The following MACROD2 variants were observed in gnomAD, a reference collection of about 807,000 sequenced individuals.
MACROD2 encodes mono-ADP ribosylhydrolase 2.
Under a neutral mutation model 70.4 loss-of-function variants are expected in MACROD2, and 36 were observed. The ratio of observed to expected loss-of-function variants is 0.51; its 90% CI spans 0.39 to 0.68. MACROD2 has a LOEUF of 0.68. Among genes scored for constraint, MACROD2 ranks in the 30% least tolerant of loss-of-function variants. MACROD2 has a pLI of 0.00. For missense variants in MACROD2, 496 were observed against 538.4 expected (o/e 0.92, Z 0.78); for synonymous variants, 172 against 178.8 (o/e 0.96, Z 0.30).
At chr20:14,508,610 A>G (rs1158545520) in intron 4 of MACROD2, among the ~76,000 whole-genome samples, 1 of 152,182 alleles carries the variant, frequency 6.6e-6, no homozygotes, top group African/African-American at 2.4e-5. Flanking sequence ...AAGCACCTCC[A>G]TGTTCCAGGC....
intron 3 of MACROD2, among the ~76,000 whole-genome samples, chr20:14,263,281 G>A (rs947177234): frequency 1.3e-5 from 2 of 152,126 alleles, no homozygotes; most frequent in African/African-American, 4.8e-5. Context: ...TGGAAGAATT[G>A]GAAAGCTAAA....
chr20:15,166,247 A>T (rs1444422956), intron 5 of MACROD2, among the ~76,000 whole-genome samples: 1 of 152,182 alleles, frequency 6.6e-6, no homozygotes, highest in Non-Finnish European at 1.5e-5. Context: ...ATGTGTTGAA[A>T]CCTTAAGCCC....
chr20:14,515,463 A>ACACACACACACACACG (rs34190778), intron 4 of MACROD2, among the ~76,000 whole-genome samples: 53 of 138,818 alleles, frequency 3.8e-4, no homozygotes, highest in Non-Finnish European at 7.7e-4. Context: ...ATACACACAC[A>ACACACACACACACACG]CGCACACACA....
intron 4 of MACROD2, among the ~76,000 whole-genome samples, chr20:14,549,062 G>A (rs553332703): frequency 7.1e-4 from 108 of 152,300 alleles, no homozygotes; most frequent in African/African-American, 2.4e-3. Flanking sequence ...AGAGACACAT[G>A]TTCTAGAAGT....
intron 8 of MACROD2, among the ~76,000 whole-genome samples, chr20:15,570,782 G>A (rs967602444): frequency 4.6e-5 from 7 of 152,110 alleles, no homozygotes; most frequent in Admixed American, 4.6e-4. Flanking sequence ...ACCAATTTAG[G>A]TCACATGCCC....
chr20:15,502,212 G>T (rs1460338033), intron 8 of MACROD2, among the ~76,000 whole-genome samples: 3 of 152,174 alleles, frequency 2.0e-5, no homozygotes, highest in African/African-American at 7.2e-5. Context: ...GACGTGCTGA[G>T]GACGTAATCT....
rs1235669164 is a variant in MACROD2, at chr20:15,710,207, A to C, written c.646-152538A>C. 3.3e-5 allele frequency among the ~76,000 whole-genome samples: 5 copies of C among 152,086 alleles called. No individual in the cohort carries two copies. The East Asian group carries it at 5.8e-4, about 18-fold the overall frequency. On this transcript the variant is annotated intron_variant, in intron 8 of 17. Transcript: ENST00000684519. Reference sequence around the variant, plus strand: ...TTATCAAAAAGACAAAAAAAAAAAAAAAAAAACAATTGCGGGTAAGGATGC... The same window carrying C: ...TTATCAAAAAGACAAAAAAAAAAAACAAAAAACAATTGCGGGTAAGGATGC...
chr20:15,873,102 A>T (rs961885901), intron 9 of MACROD2, among the ~76,000 whole-genome samples: 1 of 152,230 alleles, frequency 6.6e-6, no homozygotes, highest in Non-Finnish European at 1.5e-5. Context: ...ATTTTAAAAA[A>T]TACTTTTCTA....
rs201120748 is a variant in MACROD2 at position 15,666,999 on chromosome 20, T to TTCTA, written c.645+167163_645+167166dup. 5.0e-3 allele frequency among the ~76,000 whole-genome samples: 769 copies of TTCTA among 152,346 alleles called. 6 individuals carry two copies. Among genetic ancestry groups the TTCTA allele is most frequent in the African/African-American group, 0.017 (722 of 41,572 alleles). On this transcript the variant is annotated intron_variant, in intron 8 of 17. Coordinates refer to ENST00000684519, the MANE Select transcript of MACROD2 (RefSeq NM_001351661.2). Reference sequence around the variant, plus strand: ...AATTTGCTGTATTTTTGTTTTCTTTTTCTATCTATCTATCAATTTACTGAT... The same window carrying TTCTA: ...AATTTGCTGTATTTTTGTTTTCTTTTTCTATCTATCTATCTATCAATTTACTGAT...
At chr20:15,606,120 A>G (rs2048889675) in intron 8 of MACROD2, among the ~76,000 whole-genome samples, 1 of 152,074 alleles carries the variant, frequency 6.6e-6, no homozygotes, top group Non-Finnish European at 1.5e-5. Flanking sequence ...TTCTGTCTCT[A>G]GTCTCTTACC....
chr20:15,496,403 C>A (rs932095142), intron 7 of MACROD2, among the ~76,000 whole-genome samples: 2 of 152,138 alleles, frequency 1.3e-5, no homozygotes, highest in Non-Finnish European at 2.9e-5. Context: ...TACAGCAAAC[C>A]TTGAGGTTAA....
At chr20:15,294,159 A>G (rs1010986853) in intron 6 of MACROD2, among the ~76,000 whole-genome samples, 1 of 151,726 alleles carries the variant, frequency 6.6e-6, no homozygotes, top group Non-Finnish European at 1.5e-5. Flanking sequence ...GTTTTTATAT[A>G]AACTCTAGAT....
intron 13 of MACROD2, among the ~76,000 whole-genome samples, chr20:15,975,962 T>C (rs1601251280): frequency 1.3e-5 from 2 of 152,356 alleles, no homozygotes; most frequent in East Asian, 3.9e-4. Context: ...GAAATTTTTA[T>C]AAAAGTACAG....
At chr20:15,895,520 C>T (rs911685561) in intron 10 of MACROD2, among the ~76,000 whole-genome samples, 10 of 152,206 alleles carry the variant, frequency 6.6e-5, no homozygotes, top group African/African-American at 2.4e-4. Flanking sequence ...TGCTGTTGTG[C>T]TGAAACCCTC....
chr20:15,156,927 A>G (rs186711508), intron 5 of MACROD2, among the ~76,000 whole-genome samples: 111 of 152,340 alleles, frequency 7.3e-4, no homozygotes, highest in Middle Eastern at 3.4e-3. Context: ...AAAGTTTTAA[A>G]TTTCATCATT....
Position 14,129,332 on chromosome 20 carries a change from T to C in MACROD2, c.271+43604T>C, listed in dbSNP as rs372168192. 5.9e-5 allele frequency among the ~76,000 whole-genome samples: 9 copies of C among 152,328 alleles called. No individual in the cohort carries two copies. The East Asian group carries it at 1.7e-3, about 29-fold the overall frequency. On this transcript the variant is annotated intron_variant, in intron 3 of 17. Coordinates refer to ENST00000684519, the MANE Select transcript of MACROD2 (RefSeq NM_001351661.2). ...GAAGTCATAGCAGATATCGTGGAAA[T>C]AGCAAGAATATTAGAATTAGAAGTG...
chr20:14,538,731 G>T (rs2085397314), intron 4 of MACROD2, among the ~76,000 whole-genome samples: 1 of 152,120 alleles, frequency 6.6e-6, no homozygotes, highest in African/African-American at 2.4e-5. Context: ...TTATCCTTCA[G>T]ATGTCAGCTC....
At chr20:14,588,455 A>G (rs1270838985) in intron 4 of MACROD2, among the ~76,000 whole-genome samples, 2 of 151,994 alleles carry the variant, frequency 1.3e-5, no homozygotes, top group East Asian at 1.9e-4. Flanking sequence ...ATAATTAGCT[A>G]CTCTTTGTCT....
At chr20:15,156,933 T>C (rs1431448742) in intron 5 of MACROD2, among the ~76,000 whole-genome samples, 2 of 152,244 alleles carry the variant, frequency 1.3e-5, no homozygotes, top group Non-Finnish European at 2.9e-5. Context: ...TTAAATTTCA[T>C]CATTAAATCT....
Sources: allele counts gnomAD v4.1 joint callset (sites outside exome capture counted in the v4.1 genomes callset), GRCh38; gene constraint gnomAD v4.1.1; transcripts MANE v1.5; gene names NCBI Gene and HGNC (gene_info 2026-07-23, HGNC 2026-07-21).